The following EYA4 variants were observed in gnomAD, a reference collection of about 807,000 sequenced individuals.
EYA4 encodes the protein protein phosphatase EYA4.
In EYA4, 31 loss-of-function variants were observed where a neutral mutation model predicts 87.9. The observed-to-expected ratio is 0.35, with a 90% CI of 0.27 to 0.48. The LOEUF (loss-of-function observed/expected upper bound fraction) is 0.48, where lower values mean the gene tolerates loss of function less well. Among genes scored for constraint, EYA4 ranks in the 20% least tolerant of loss-of-function variants. The probability of loss-of-function intolerance (pLI) is 0.99; values close to 1 mark genes in which losing one functional copy is unlikely to be tolerated. For synonymous variants in EYA4, 263 were observed against 270.6 expected, an observed-to-expected ratio of 0.97 and a Z score of 0.28; for missense variants, 678 against 761.4, an observed-to-expected ratio of 0.89 and a Z score of 1.29.
At chr6:133,457,808 T>C (rs1317630710) in intron 6 of EYA4, among the ~76,000 whole-genome samples, 1 of 152,170 alleles carries the variant, frequency 6.6e-6, no homozygotes, top group Non-Finnish European at 1.5e-5. Context: ...TAAATCTATA[T>C]GAACAAATTG....
chr6:133,400,020 A>G (rs1788122799), intron 3 of EYA4, among the ~76,000 whole-genome samples: 1 of 152,220 alleles, frequency 6.6e-6, no homozygotes, highest in Non-Finnish European at 1.5e-5. Flanking sequence ...TTATTCTCTG[A>G]CATCACTTGA....
intron 3 of EYA4, among the ~76,000 whole-genome samples, chr6:133,423,660 C>T (rs1488070262): frequency 1.3e-5 from 2 of 152,090 alleles, no homozygotes; most frequent in African/African-American, 4.8e-5. Context: ...ATTAAAAACA[C>T]AAGCAAGCAA....
intron 2 of EYA4, among the ~76,000 whole-genome samples, chr6:133,285,755 T>C (rs553281326): frequency 1.7e-4 from 26 of 152,248 alleles, no homozygotes; most frequent in African/African-American, 5.3e-4. Flanking sequence ...AGTCGTTGCA[T>C]TGGGGTTAAT....
chr6:133,338,512 T>C (rs1207783948), intron 2 of EYA4, among the ~76,000 whole-genome samples: 1 of 152,220 alleles, frequency 6.6e-6, no homozygotes, highest in African/African-American at 2.4e-5. Flanking sequence ...TTTATAGTGA[T>C]AACAATTCAT....
intron 13 of EYA4, among the ~76,000 whole-genome samples, chr6:133,486,907 C>T (rs1796732861): frequency 6.6e-6 from 1 of 152,244 alleles, no homozygotes; most frequent in Non-Finnish European, 1.5e-5. Context: ...AACACAACCA[C>T]CTTCATAAGA....
At chr6:133,334,052 A>G (rs1357433164) in intron 2 of EYA4, among the ~76,000 whole-genome samples, 1 of 152,184 alleles carries the variant, frequency 6.6e-6, no homozygotes, top group Non-Finnish European at 1.5e-5. Flanking sequence ...TGTAATTAAA[A>G]AGACAGAGCA....
At chr6:133,481,373 A>T in intron 11 of EYA4, 90 bp from the exon 12 acceptor site, 1 of 1,275,670 alleles carries the variant, frequency 7.8e-7, no homozygotes, top group Non-Finnish European at 1.1e-6. Flanking sequence ...TTTCTATTGT[A>T]TAGGAATTTG....
chr6:133,508,405 T>A (rs1050491083), intron 14 of EYA4, among the ~76,000 whole-genome samples: 1 of 152,150 alleles, frequency 6.6e-6, no homozygotes, highest in African/African-American at 2.4e-5. Context: ...ATTTTTTACA[T>A]ACAGCGATAA....
chr6:133,324,169 A>G (rs997910603), intron 2 of EYA4, among the ~76,000 whole-genome samples: 2 of 152,356 alleles, frequency 1.3e-5, no homozygotes, highest in East Asian at 3.9e-4. Context: ...GTAGCTTCAT[A>G]GTAGAAAATA....
chr6:133,346,547 A>G (rs1234811433), intron 2 of EYA4, among the ~76,000 whole-genome samples: 1 of 152,238 alleles, frequency 6.6e-6, no homozygotes, highest in Non-Finnish European at 1.5e-5. Flanking sequence ...AGAACATTCT[A>G]CAAGTCTTTT....
chr6:133,320,548 CAG>C (rs1310673754), intron 2 of EYA4, among the ~76,000 whole-genome samples: 1 of 150,414 alleles, frequency 6.6e-6, no homozygotes, highest in Non-Finnish European at 1.5e-5. Flanking sequence ...ATTATAAATT[CAG>C]GGGGTACATG....
chr6:133,530,156 G>A lies in EYA4; in HGVS notation c.*1351G>A. On this transcript the variant is annotated 3_prime_UTR_variant, in exon 20 of 20. Coordinates refer to ENST00000355286, the MANE Select transcript of EYA4 (RefSeq NM_004100.5). ...ATAAATTAAATTAGCAAGTGCGCTG[G>A]ATCTTGGCAGCGCTGCTGAAATGAC... 4 of 984,994 alleles carry A rather than the reference G, an allele frequency of 4.1e-6. No homozygotes were observed. Among genetic ancestry groups the A allele is most frequent in the Non-Finnish European group, 4.8e-6 (4 of 829,526 alleles). The allele number at this position is 984,994 out of a possible 1,614,324, so 61.0% of individuals were successfully genotyped here. A position where few individuals can be genotyped will look rare whatever the true frequency, so the allele number is the denominator to read the frequency against.
intron 13 of EYA4, among the ~76,000 whole-genome samples, chr6:133,487,099 T>C (rs1300628888): frequency 6.6e-6 from 1 of 152,116 alleles, no homozygotes; most frequent in Non-Finnish European, 1.5e-5. Context: ...GAGAGCTCAG[T>C]GAGTGTAGGT....
chr6:133,322,714 A>G (rs1287376775), intron 2 of EYA4, among the ~76,000 whole-genome samples: 3 of 152,196 alleles, frequency 2.0e-5, no homozygotes, highest in East Asian at 3.9e-4. Flanking sequence ...TGTCTTAACT[A>G]CTATAACCTA....
chr6:133,251,254 C>CT (rs529797663), intron 1 of EYA4, among the ~76,000 whole-genome samples: 1 of 151,762 alleles, frequency 6.6e-6, no homozygotes, highest in Admixed American at 6.6e-5. Context: ...TCCTCAGTTG[C>CT]TTTTTTTTCA....
intron 2 of EYA4, among the ~76,000 whole-genome samples, chr6:133,342,387 A>G (rs113111005): frequency 6.8e-6 from 1 of 147,068 alleles, no homozygotes; most frequent in Non-Finnish European, 1.5e-5. Flanking sequence ...GAGTCCAGCC[A>G]AGTGGGCTGA....
At chr6:133,507,489 T>C (rs1798749379) in intron 14 of EYA4, among the ~76,000 whole-genome samples, 1 of 152,184 alleles carries the variant, frequency 6.6e-6, no homozygotes, top group South Asian at 2.1e-4. Flanking sequence ...ACCCGTCATC[T>C]ACATTAGGTA....
intron 1 of EYA4, chr6:133,248,553 A>G (rs1481288189): frequency 6.6e-6 from 1 of 152,252 alleles, no homozygotes; most frequent in Non-Finnish European, 1.5e-5. Flanking sequence ...AGATTTGAAA[A>G]GAACCGAATG....
At chr6:133,517,183 T>G (rs1799670258) in intron 17 of EYA4, among the ~76,000 whole-genome samples, 1 of 152,002 alleles carries the variant, frequency 6.6e-6, no homozygotes, top group African/African-American at 2.4e-5. Context: ...TGAGAACATG[T>G]GGACACATAG....
Sources: gnomAD v4.1 joint callset for allele counts (sites outside exome capture counted in the v4.1 genomes callset) on GRCh38, gnomAD v4.1.1 for gene constraint, MANE v1.5 for transcripts, NCBI Gene and HGNC (gene_info 2026-07-23, HGNC 2026-07-21) for gene names.